The following CAPN3 variants were observed in gnomAD, a reference collection of about 807,000 sequenced individuals.
CAPN3 encodes the protein calpain-3.
CAPN3 carries 88 observed loss-of-function variants against 114.0 expected under a neutral mutation model. That is an observed-to-expected ratio of 0.77 (90% CI 0.65 to 0.92). The LOEUF is 0.92. CAPN3 is among the 40% of genes least tolerant of loss of function. The pLI, the probability that CAPN3 is intolerant of heterozygous loss-of-function variation, is 0.00. For missense variants in CAPN3, 1,028 were observed against 1,069.0 expected, an observed-to-expected ratio of 0.96 and a Z score of 0.53; for synonymous variants, 386 against 382.9, an observed-to-expected ratio of 1.01 and a Z score of -0.09.
intron 10 of CAPN3, 98 bp downstream of exon 10, chr15:42,399,750 C>G (rs1027645126): frequency 9.6e-7 from 1 of 1,043,826 alleles, no homozygotes; most frequent in Admixed American, 2.7e-5. Flanking sequence ...TTCCAGACGT[C>G]CACTATCTTA....
intron 1 of CAPN3, among the ~76,000 whole-genome samples, chr15:42,360,993 A>T (rs1343632174): frequency 6.6e-6 from 1 of 152,204 alleles, no homozygotes; most frequent in Non-Finnish European, 1.5e-5. Context: ...CTGTCTTGGA[A>T]CCTAGGGTCC....
intron 1 of CAPN3, among the ~76,000 whole-genome samples, chr15:42,380,190 G>A (rs997084343): frequency 6.6e-6 from 1 of 152,032 alleles, no homozygotes; most frequent in Non-Finnish European, 1.5e-5. Flanking sequence ...TTTAATTGGT[G>A]TATTTTGATC....
chr15:42,404,020 G>C, intron 14 of CAPN3: 1 of 620,730 alleles, frequency 1.6e-6, no homozygotes, highest in Non-Finnish European at 3.0e-6. Flanking sequence ...GTCCTGGAAA[G>C]GAGAAGCAAT....
Position 42,410,814 on chromosome 15 carries a change from G to T in CAPN3, c.2264-70G>T. 2.8e-6 allele frequency: 4 copies of T among 1,431,012 alleles called. No homozygotes were observed. In the South Asian group the frequency reaches 4.6e-5, roughly 16 times the overall value. 88.6% of individuals were successfully genotyped at this position (1,431,012 alleles called of 1,614,324 possible). ...TCCCAGGTCACAGAGTGGCCGAGAGGCAGGGAAAATAGAAGGCAGGCCCAA... is the reference window on the plus strand; with the variant it reads ...TCCCAGGTCACAGAGTGGCCGAGAGTCAGGGAAAATAGAAGGCAGGCCCAA... On this transcript the variant is annotated intron_variant, in intron 21 of 23. Coordinates refer to ENST00000397163, the MANE Select transcript of CAPN3 (RefSeq NM_000070.3).
intron 3 of CAPN3, among the ~76,000 whole-genome samples, chr15:42,386,553 C>T (rs1162872191): frequency 6.6e-6 from 1 of 152,180 alleles, no homozygotes; most frequent in East Asian, 1.9e-4. Flanking sequence ...GTCTTTGCAG[C>T]TGTCTGGCTG....
In CAPN3 at chr15:42,402,928, G is replaced by C; in HGVS notation, c.1671G>C (p.Val557=). The change falls in exon 13 of 24, where the codon GTG becomes GTC. Residue 557 remains valine, a synonymous_variant. Coordinates refer to ENST00000397163, the MANE Select transcript of CAPN3 (RefSeq NM_000070.3). ...TGCCTCCCAGCGAGTACGTCATCGT[G>C]CCCTCCACCTACGAGCCCCACCAGG... ...FRLPPSEYVI[V]PSTYEPHQEG... 6.2e-7 allele frequency: 1 copy of C among 1,614,166 alleles called. No homozygotes were observed. Among genetic ancestry groups the C allele is most frequent in the Non-Finnish European group, 8.5e-7 (1 of 1,180,024 alleles).
chr15:42,402,533 T>C, intron 12 of CAPN3: 1 of 1,444,876 alleles, frequency 6.9e-7, no homozygotes, highest in African/African-American at 1.4e-5. Context: ...CCTGAGGGGC[T>C]TCGGAGCTGA....
At chr15:42,410,726 AG>A (rs1336954570) in intron 21 of CAPN3, 60 bp downstream of exon 21, 1 of 1,450,070 alleles carries the variant, frequency 6.9e-7, no homozygotes, top group African/African-American at 1.4e-5. Flanking sequence ...CAGGAATGGG[AG>A]GGGACTAGGC....
At chr15:42,410,519 G>A (rs753527514) in intron 20 of CAPN3, 23 bp downstream of exon 20, 3 of 1,613,286 alleles carry the variant, frequency 1.9e-6, no homozygotes, top group African/African-American at 1.3e-5. Flanking sequence ...AATGAAGCGT[G>A]GGAGTCAAGA....
chr15:42,405,101 C>A, intron 14 of CAPN3: 1 of 852,168 alleles, frequency 1.2e-6, no homozygotes, highest in Non-Finnish European at 1.4e-6. Context: ...GGGAGCAGGG[C>A]CCTTGGCTCA....
intron 9 of CAPN3, 127 bp from the exon 10 acceptor site, chr15:42,399,365 C>T: frequency 2.6e-6 from 2 of 756,600 alleles, no homozygotes; most frequent in Non-Finnish European, 4.7e-6. Context: ...AAGACAGGCT[C>T]CTCTGGGACC....
intron 8 of CAPN3, 147 bp from the exon 9 acceptor site, chr15:42,396,653 G>T (rs971223559): frequency 4.4e-6 from 3 of 684,388 alleles, no homozygotes; most frequent in African/African-American, 1.8e-5. Flanking sequence ...TTGCTATTGG[G>T]TTTCACACTG....
intron 7 of CAPN3, 32 bp from the exon 8 acceptor site, chr15:42,394,224 C>A: frequency 6.5e-7 from 1 of 1,533,024 alleles, no homozygotes; most frequent in Non-Finnish European, 8.9e-7. Flanking sequence ...AGAGAGGCTG[C>A]AGAGCATGAG....
intron 15 of CAPN3, among the ~76,000 whole-genome samples, chr15:42,407,193 T>C (rs2054048301): frequency 6.6e-6 from 1 of 152,218 alleles, no homozygotes; most frequent in Admixed American, 6.5e-5. Flanking sequence ...CTTGAAAATA[T>C]CCCTTGTTTG....
At chr15:42,384,410 C>CA (rs1446147553) in intron 1 of CAPN3, 73 bp from the exon 2 acceptor site, 10 of 1,152,286 alleles carry the variant, frequency 8.7e-6, no homozygotes, top group African/African-American at 4.5e-5. Context: ...GACTCCGTCT[C>CA]AAAAAAATAC....
chr15:42,389,842 C>G (rs2053506736), intron 5 of CAPN3, 111 bp from the exon 6 acceptor site: 1 of 1,154,696 alleles, frequency 8.7e-7, no homozygotes, highest in East Asian at 2.4e-5. Context: ...GATCTCTCCT[C>G]TCTCCCTTTG....
At chr15:42,409,759 C>T (rs1470163395) in intron 17 of CAPN3, 28 bp from the exon 18 acceptor site, 2 of 1,609,572 alleles carry the variant, frequency 1.2e-6, no homozygotes, top group South Asian at 2.2e-5. Context: ...ACTCCTGAAC[C>T]ATGACCCTCC....
At chr15:42,366,741 G>A (rs1363402961) in intron 1 of CAPN3, among the ~76,000 whole-genome samples, 1 of 152,008 alleles carries the variant, frequency 6.6e-6, no homozygotes, top group Non-Finnish European at 1.5e-5. Flanking sequence ...AAGGAAAATG[G>A]AGTGGAGGAA....
chr15:42,407,143 C>G (rs1183895231), intron 15 of CAPN3, among the ~76,000 whole-genome samples: 3 of 152,198 alleles, frequency 2.0e-5, no homozygotes, highest in African/African-American at 7.2e-5. Context: ...AGCAGCCGCT[C>G]TCCGTCCTTT....
Sources: allele counts gnomAD v4.1 joint callset (sites outside exome capture counted in the v4.1 genomes callset), GRCh38; gene constraint gnomAD v4.1.1; transcripts MANE v1.5; gene names NCBI Gene and HGNC (gene_info 2026-07-23, HGNC 2026-07-21).